Variants in VWA8 observed in about 807,000 individuals in gnomAD.
The protein encoded by VWA8 is von Willebrand factor A domain containing 8.
A neutral mutation model predicts 241.5 loss-of-function variants in VWA8; 221 were observed. The ratio of observed to expected loss-of-function variants is 0.91; its 90% CI spans 0.82 to 1.02. The LOEUF is 1.02. Among genes scored for constraint, VWA8 ranks in the 50% least tolerant of loss-of-function variants. VWA8 has a pLI of 0.00. For missense variants in VWA8, 2,322 were observed against 2,328.7 expected, an observed-to-expected ratio of 1.00 and a Z score of 0.06; for synonymous variants, 852 against 827.1, an observed-to-expected ratio of 1.03 and a Z score of -0.52.
intron 14 of VWA8, among the ~76,000 whole-genome samples, chr13:41,828,547 A>T (rs1871280337): frequency 6.6e-6 from 1 of 152,246 alleles, no homozygotes; most frequent in Admixed American, 6.5e-5. Flanking sequence ...AATGTCAAAA[A>T]TAGACTACAA....
chr13:41,921,473 G>A (rs1210083950), intron 2 of VWA8, among the ~76,000 whole-genome samples: 2 of 152,092 alleles, frequency 1.3e-5, no homozygotes, highest in Non-Finnish European at 2.9e-5. Flanking sequence ...AAGGGTATTC[G>A]ATTAGGAAAA....
chr13:41,703,269 C>A, intron 27 of VWA8, 34 bp downstream of exon 27: 1 of 1,553,618 alleles, frequency 6.4e-7, no homozygotes, highest in Non-Finnish European at 8.9e-7. Flanking sequence ...TTATAAGGTT[C>A]AATATTTTAA....
chr13:41,838,465 T>C (rs969995384), intron 12 of VWA8, among the ~76,000 whole-genome samples: 1 of 152,174 alleles, frequency 6.6e-6, no homozygotes, highest in Non-Finnish European at 1.5e-5. Context: ...AAATTGCTTG[T>C]AGCAAAAGTA....
At chr13:41,580,172 A>G (rs528659167) in intron 42 of VWA8, among the ~76,000 whole-genome samples, 1 of 152,280 alleles carries the variant, frequency 6.6e-6, no homozygotes, top group South Asian at 2.1e-4. Flanking sequence ...TTTACTACAG[A>G]GAAATAACTA....
intron 20 of VWA8, among the ~76,000 whole-genome samples, chr13:41,773,692 T>C (rs1868430956): frequency 6.6e-6 from 1 of 152,216 alleles, no homozygotes; most frequent in African/African-American, 2.4e-5. Context: ...GAATTGAAGT[T>C]GGCTAAAGGA....
At chr13:41,924,131 TAA>T (rs1304936283) in intron 2 of VWA8, among the ~76,000 whole-genome samples, 1 of 152,016 alleles carries the variant, frequency 6.6e-6, no homozygotes, top group Non-Finnish European at 1.5e-5. Flanking sequence ...CAGCAAGATA[TAA>T]GAGAATACAG....
intron 12 of VWA8, among the ~76,000 whole-genome samples, chr13:41,865,091 C>T (rs1406216579): frequency 1.3e-5 from 2 of 151,742 alleles, no homozygotes; most frequent in Non-Finnish European, 2.9e-5. Flanking sequence ...TAATTAGCTC[C>T]CACTGTAGCT....
intron 21 of VWA8, among the ~76,000 whole-genome samples, chr13:41,758,429 T>A (rs9562348): frequency 9.9e-6 from 1 of 101,488 alleles, no homozygotes; most frequent in Non-Finnish European, 2.1e-5. Context: ...TATATATATA[T>A]ACGCTAGTAT....
chr13:41,682,548 A>G (rs1487942512), intron 35 of VWA8, among the ~76,000 whole-genome samples: 2 of 152,174 alleles, frequency 1.3e-5, no homozygotes, highest in African/African-American at 4.8e-5. Context: ...GGAGTTTGAG[A>G]CCAGCCTGGG....
chr13:41,743,504 A>T (rs2045583232), intron 21 of VWA8, among the ~76,000 whole-genome samples: 1 of 152,190 alleles, frequency 6.6e-6, no homozygotes, highest in African/African-American at 2.4e-5. Flanking sequence ...TTACAGATCA[A>T]ATCTGCATTG....
chr13:41,592,329 G>A (rs1370840422), intron 40 of VWA8, among the ~76,000 whole-genome samples: 1 of 122,650 alleles, frequency 8.2e-6, no homozygotes, highest in African/African-American at 3.0e-5. Flanking sequence ...GGTGGGGGGA[G>A]GGGGGAGGGG....
intron 9 of VWA8, among the ~76,000 whole-genome samples, chr13:41,869,062 GGTAGAA>G: frequency 6.6e-6 from 1 of 151,940 alleles, no homozygotes; most frequent in East Asian, 1.9e-4. Flanking sequence ...TTCCTGACCT[GGTAGAA>G]GTTCATAGTT....
chr13:41,903,848 T>C (rs1257272053), intron 4 of VWA8, among the ~76,000 whole-genome samples: 1 of 152,048 alleles, frequency 6.6e-6, no homozygotes. Context: ...GAATACTAAC[T>C]GCAAGGAAAT....
At chr13:41,885,109 T>C (rs1479544678) in intron 8 of VWA8, among the ~76,000 whole-genome samples, 1 of 152,180 alleles carries the variant, frequency 6.6e-6, no homozygotes, top group Non-Finnish European at 1.5e-5. Flanking sequence ...CAACTTAATA[T>C]TGTCTGATAA....
rs79514706 is a variant in VWA8 at position 41,604,552 on chromosome 13, C to T, written c.4986+616G>A. ...ATACTTAGCAAAAATAATAAAACTT[C>T]CCCCAGAAGGACAATTACAAATAAG... is the stretch of plus-strand genomic sequence containing the variant. On this transcript the variant is annotated intron_variant, in intron 40 of 44. Transcript: ENST00000379310. Among the ~76,000 whole-genome samples, 46 of 152,104 alleles carry T rather than the reference C, an allele frequency of 3.0e-4. 2 individuals carry two copies. In the East Asian group the frequency reaches 8.9e-3, roughly 29 times the overall value.
At chr13:41,861,565 A>G (rs1376319544) in intron 12 of VWA8, among the ~76,000 whole-genome samples, 1 of 152,206 alleles carries the variant, frequency 6.6e-6, no homozygotes, top group African/African-American at 2.4e-5. Flanking sequence ...CTCCACCAAA[A>G]GGCTCCTAAA....
In VWA8 at chr13:41,795,296, A is replaced by G. The variant is rs61963084; in HGVS notation, c.2064-7753T>C. 9.5e-3 allele frequency among the ~76,000 whole-genome samples: 1,451 copies of G among 152,338 alleles called. 7 individuals carry two copies. Among genetic ancestry groups the G allele is most frequent in the Non-Finnish European group, 0.014 (932 of 68,022 alleles). Reference sequence around the variant, plus strand: ...GCAATTAGTAAAAAGTCAATAAACAATATATGTTGGCTAGGCTGTGGAGAA... The same window carrying G: ...GCAATTAGTAAAAAGTCAATAAACAGTATATGTTGGCTAGGCTGTGGAGAA... On this transcript the variant is annotated intron_variant, in intron 17 of 44. Transcript: ENST00000379310.
chr13:41,753,910 C>T (rs940430879), intron 21 of VWA8, among the ~76,000 whole-genome samples: 2 of 152,016 alleles, frequency 1.3e-5, no homozygotes, highest in Admixed American at 1.3e-4. Context: ...TTATAGACTG[C>T]CTTTTTTAGG....
chr13:41,889,825 G>A (rs1455719975), intron 5 of VWA8, among the ~76,000 whole-genome samples: 7 of 152,094 alleles, frequency 4.6e-5, no homozygotes, highest in Non-Finnish European at 5.9e-5. Flanking sequence ...TCCATATTCT[G>A]AGTATTTTTT....
Sources: allele counts gnomAD v4.1 joint callset (sites outside exome capture counted in the v4.1 genomes callset), GRCh38; gene constraint gnomAD v4.1.1; transcripts MANE v1.5; gene names NCBI Gene and HGNC (gene_info 2026-07-23, HGNC 2026-07-21).